The following GRM8 variants were observed in gnomAD, a reference collection of about 807,000 sequenced individuals.
GRM8 encodes the protein glutamate metabotropic receptor 8, also known as metabotropic glutamate receptor 8.
A neutral mutation model predicts 87.2 loss-of-function variants in GRM8; 47 were observed. The ratio of observed to expected loss-of-function variants is 0.54; its 90% CI spans 0.43 to 0.69. The LOEUF is 0.69. Ranked by LOEUF, GRM8 falls within the 30% of genes least tolerant of loss-of-function variation. GRM8 has a pLI of 0.00. For missense variants in GRM8, 1,019 were observed against 1,139.2 expected, an observed-to-expected ratio of 0.89 and a Z score of 1.52; for synonymous variants, 396 against 404.5, an observed-to-expected ratio of 0.98 and a Z score of 0.25.
At chr7:127,028,933 G>A (rs1034043207) in intron 3 of GRM8, among the ~76,000 whole-genome samples, 1 of 152,084 alleles carries the variant, frequency 6.6e-6, no homozygotes, top group African/African-American at 2.4e-5. Flanking sequence ...ATGTTAGGGT[G>A]TCAATTTTAG....
intron 3 of GRM8, among the ~76,000 whole-genome samples, chr7:127,094,003 T>A (rs954143477): frequency 6.6e-6 from 1 of 152,254 alleles, no homozygotes; most frequent in Admixed American, 6.5e-5. Flanking sequence ...TCAAGGAAAC[T>A]ATATTTGTTG....
chr7:126,995,019 T>G (rs1018155366), intron 3 of GRM8, among the ~76,000 whole-genome samples: 2 of 152,138 alleles, frequency 1.3e-5, no homozygotes, highest in African/African-American at 4.8e-5. Flanking sequence ...AATCATGCCA[T>G]CCCCAGCTCC....
intron 3 of GRM8, among the ~76,000 whole-genome samples, chr7:126,941,858 C>T (rs1806980702): frequency 2.0e-5 from 3 of 152,300 alleles, no homozygotes; most frequent in South Asian, 4.1e-4. Flanking sequence ...GCAAGTCCCT[C>T]CACTCTTACC....
chr7:126,826,714 A>C (rs1267506115), intron 6 of GRM8, among the ~76,000 whole-genome samples: 1 of 152,028 alleles, frequency 6.6e-6, no homozygotes, highest in Non-Finnish European at 1.5e-5. Context: ...GTAGCTCTTT[A>C]GTTTAATTAG....
At chr7:127,234,766 G>A (rs1019969016) in intron 2 of GRM8, among the ~76,000 whole-genome samples, 2 of 152,172 alleles carry the variant, frequency 1.3e-5, no homozygotes, top group African/African-American at 2.4e-5. Flanking sequence ...GTGATTTCTC[G>A]CATGCTACAG....
chr7:126,722,897 T>A (rs1003797347), intron 7 of GRM8, among the ~76,000 whole-genome samples: 28 of 141,976 alleles, frequency 2.0e-4, no homozygotes, highest in East Asian at 1.6e-3. Flanking sequence ...TGAAAAAAAA[T>A]ATATATAATT....
chr7:126,660,242 C>G (rs1006770155), intron 7 of GRM8, among the ~76,000 whole-genome samples: 3 of 152,156 alleles, frequency 2.0e-5, no homozygotes, highest in Non-Finnish European at 4.4e-5. Context: ...CTCCACTGAT[C>G]TATGATTAAT....
intron 9 of GRM8, among the ~76,000 whole-genome samples, chr7:126,453,095 AC>A (rs1203248540): frequency 3.3e-5 from 5 of 150,620 alleles, no homozygotes; most frequent in East Asian, 3.9e-4. Context: ...ACACACACAC[AC>A]ACACACACAC....
intron 8 of GRM8, among the ~76,000 whole-genome samples, chr7:126,537,803 A>C (rs974266256): frequency 5.3e-5 from 8 of 151,904 alleles, no homozygotes; most frequent in Non-Finnish European, 1.0e-4. Context: ...AACAAACAAA[A>C]AAAACACTAT....
At chr7:126,943,390 C>A (rs1199977803) in intron 3 of GRM8, among the ~76,000 whole-genome samples, 1 of 152,126 alleles carries the variant, frequency 6.6e-6, no homozygotes, top group East Asian at 1.9e-4. Context: ...ACAGGCAGAT[C>A]AAAGTAGCTA....
chr7:126,818,658 T>C (rs558461807), intron 6 of GRM8, among the ~76,000 whole-genome samples: 67 of 152,350 alleles, frequency 4.4e-4, no homozygotes, highest in African/African-American at 1.6e-3. Context: ...CACATCACTC[T>C]TACCAGAATT....
At chr7:127,079,148 T>C (rs1822591498) in intron 3 of GRM8, among the ~76,000 whole-genome samples, 1 of 151,898 alleles carries the variant, frequency 6.6e-6, no homozygotes, top group South Asian at 2.1e-4. Flanking sequence ...TGAGACAGAG[T>C]CTTGCTCTGT....
intron 3 of GRM8, among the ~76,000 whole-genome samples, chr7:127,047,315 A>G (rs761432536): frequency 7.9e-5 from 12 of 152,204 alleles, no homozygotes; most frequent in Admixed American, 1.3e-4. Context: ...GATATACAGC[A>G]TATTAAACTG....
chr7:126,785,313 C>T (rs976927118), intron 6 of GRM8, among the ~76,000 whole-genome samples: 5 of 152,096 alleles, frequency 3.3e-5, no homozygotes, highest in Admixed American at 2.6e-4. Context: ...TTAGAAGAGC[C>T]TTTATGCTTC....
At chr7:127,245,534 C>T (rs1268396468) in intron 1 of GRM8, among the ~76,000 whole-genome samples, 4 of 152,208 alleles carry the variant, frequency 2.6e-5, no homozygotes, top group Non-Finnish European at 4.4e-5. Flanking sequence ...TGGCATTAAC[C>T]TAGTTCCACT....
chr7:126,547,387 G>A lies in GRM8; in HGVS notation c.1495-13500C>T, dbSNP rs1435143064. ...GAGATTTTTTTAAAAATAGATGCAT[G>A]AAATAGGAAATTTCTATTAAAAAAT... On this transcript the variant is annotated intron_variant, in intron 8 of 10. Coordinates refer to ENST00000339582, the MANE Select transcript of GRM8 (RefSeq NM_000845.3). Among the ~76,000 whole-genome samples, 5 of 151,926 alleles carry A rather than the reference G, an allele frequency of 3.3e-5. 1 individual carries two copies. Among genetic ancestry groups the A allele is most frequent in the African/African-American group, 1.2e-4 (5 of 41,442 alleles).
chr7:126,665,890 A>T (rs1212407675), intron 7 of GRM8, among the ~76,000 whole-genome samples: 2 of 152,148 alleles, frequency 1.3e-5, no homozygotes, highest in Admixed American at 1.3e-4. Context: ...TCTTCTTGAT[A>T]ATCTGAGGAA....
chr7:126,525,552 A>G (rs986488754), intron 9 of GRM8, among the ~76,000 whole-genome samples: 1 of 152,202 alleles, frequency 6.6e-6, no homozygotes, highest in Non-Finnish European at 1.5e-5. Flanking sequence ...TGCCTGCTTC[A>G]GGACTTTATG....
chr7:126,750,036 C>G (rs969993559), intron 7 of GRM8, among the ~76,000 whole-genome samples: 1 of 152,104 alleles, frequency 6.6e-6, no homozygotes, highest in Non-Finnish European at 1.5e-5. Flanking sequence ...AAGAGCTGTA[C>G]TTGAACTTTC....
Sources: gnomAD v4.1 joint callset for allele counts (sites outside exome capture counted in the v4.1 genomes callset) on GRCh38, gnomAD v4.1.1 for gene constraint, MANE v1.5 for transcripts, NCBI Gene and HGNC (gene_info 2026-07-23, HGNC 2026-07-21) for gene names.